The following RUVBL1 variants were observed in gnomAD, a reference collection of about 807,000 sequenced individuals.
RUVBL1 encodes ruvB-like 1.
A neutral mutation model predicts 52.4 loss-of-function variants in RUVBL1; 4 were observed. The ratio of observed to expected loss-of-function variants is 0.08; its 90% CI spans 0.04 to 0.17. The LOEUF (loss-of-function observed/expected upper bound fraction) is 0.17. Among genes scored for constraint, RUVBL1 ranks in the 10% least tolerant of loss-of-function variants. RUVBL1 has a pLI of 1.00. For synonymous variants in RUVBL1, 217 were observed against 214.4 expected (o/e 1.01, Z -0.10); for missense variants, 298 against 572.8 (o/e 0.52, Z 4.90).
chr3:128,130,785 G>C (rs911117627), intron 1 of RUVBL1, among the ~76,000 whole-genome samples: 3 of 151,648 alleles, frequency 2.0e-5, no homozygotes, highest in Non-Finnish European at 4.4e-5. Context: ...CGAGTAGCTG[G>C]GACTACATGC....
intron 1 of RUVBL1, among the ~76,000 whole-genome samples, chr3:128,148,204 T>C (rs561378311): frequency 6.6e-6 from 1 of 152,018 alleles, no homozygotes; most frequent in African/African-American, 2.4e-5. Context: ...CCAAAGCTCA[T>C]AGAGCCGTAC....
Position 128,097,330 on chromosome 3 carries a change from A to G in RUVBL1, c.986T>C (p.Phe329Ser), listed in dbSNP as rs776204985. ...LESSIAPIVI[F>S]ASNRGNCVIR... The stretch of plus-strand genomic sequence containing the variant: ...GACACAGTTGCCTCGGTTGGATGCA[A>G]AGATGACGATGGGAGCGATAGAAGA... The change falls in exon 8 of 11, where the codon TTT becomes TCT. Residue 329 changes from phenylalanine (F) to serine (S), a missense_variant. Coordinates refer to ENST00000322623, the MANE Select transcript of RUVBL1 (RefSeq NM_003707.3). The G allele has an allele frequency of 6.2e-7, 1 of 1,614,176 alleles. No homozygotes were observed. The highest frequency in any genetic ancestry group is 1.7e-5 in the Admixed American group (1 of 60,014).
At chr3:128,150,499 G>A (rs974502006) in intron 1 of RUVBL1, among the ~76,000 whole-genome samples, 1 of 144,758 alleles carries the variant, frequency 6.9e-6, no homozygotes, top group African/African-American at 2.5e-5. Context: ...ATATATATAT[G>A]TATGTTCCAT....
At chr3:128,146,811 G>C (rs1944113709) in intron 1 of RUVBL1, among the ~76,000 whole-genome samples, 1 of 151,946 alleles carries the variant, frequency 6.6e-6, no homozygotes, top group African/African-American at 2.4e-5. Context: ...CTGTGTGTGT[G>C]TGCATGCATC....
chr3:128,088,248 T>C (rs902016762), intron 8 of RUVBL1, among the ~76,000 whole-genome samples: 7 of 146,724 alleles, frequency 4.8e-5, no homozygotes, highest in Non-Finnish European at 7.5e-5. Flanking sequence ...GGTGACAGAG[T>C]GAGACTCTGT....
At chr3:128,079,634 G>T (rs973124886), downstream of RUVBL1, among the ~76,000 whole-genome samples, 4 of 152,202 alleles carry the variant, frequency 2.6e-5, no homozygotes, top group African/African-American at 4.8e-5. Flanking sequence ...ACTTCATGAA[G>T]GGTCCCACCA....
chr3:128,104,914 T>A lies in RUVBL1; in HGVS notation c.372A>T (p.Ile124=). ...CTTCATAAACTTCCTTGGTCTCCTT[T>A]ATTCGCAGCCCTGGAAGAGGTGGCA... is the stretch of plus-strand genomic sequence containing the variant. ...ENFRRAIGLR[I]KETKEVYEGE... Residue 124 remains isoleucine, a synonymous_variant, in exon 4 of 11, where the codon ATA becomes ATT. Transcript: ENST00000322623. 6.2e-7 allele frequency: 1 copy of A among 1,603,518 alleles called. No homozygotes were observed. The highest frequency in any genetic ancestry group is 8.5e-7 in the Non-Finnish European group (1 of 1,171,074).
At chr3:128,079,808 T>C (rs543018947), downstream of RUVBL1, among the ~76,000 whole-genome samples, 139 of 152,316 alleles carry the variant, frequency 9.1e-4, no homozygotes, top group African/African-American at 3.1e-3. Flanking sequence ...CTGTCCCTAA[T>C]GGAAGGACAA....
chr3:128,092,279 T>A (rs1942859955), intron 8 of RUVBL1, among the ~76,000 whole-genome samples: 1 of 152,108 alleles, frequency 6.6e-6, no homozygotes, highest in Non-Finnish European at 1.5e-5. Flanking sequence ...GCATAAACAT[T>A]TGTGATTTTA....
At chr3:128,121,694 G>C (rs940630534) in intron 1 of RUVBL1, among the ~76,000 whole-genome samples, 17 of 114,870 alleles carry the variant, frequency 1.5e-4, no homozygotes, top group Non-Finnish European at 2.5e-4. Context: ...TGGGCAACAA[G>C]AGCAAAACTT....
At chr3:128,143,105 C>T (rs1230247743) in intron 1 of RUVBL1, among the ~76,000 whole-genome samples, 2 of 151,064 alleles carry the variant, frequency 1.3e-5, no homozygotes, top group East Asian at 4.0e-4. Context: ...CTTATAAGGT[C>T]CCTTCATGAT....
rs141069437 is a variant in RUVBL1, at chr3:128,101,564, C to T, written c.598G>A (p.Val200Met). The T allele has an allele frequency of 1.1e-5, 18 of 1,613,572 alleles. No individual in the cohort carries two copies. Among genetic ancestry groups the T allele is most frequent in the Non-Finnish European group, 1.1e-5 (13 of 1,179,690 alleles). ...TGTCCCAAGGAAGGCATTACCTTCA[C>T]GGCCCCACTGTTGGCTTCAATGTAA... is the stretch of plus-strand genomic sequence containing the variant. ...VIYIEANSGA[V>M]KRQGRCDTYA... The change falls in exon 5 of 11, where the codon GTG becomes ATG. Residue 200 changes from valine (V) to methionine (M), a missense_variant. Physicochemically the swap from Val to Met is conservative, Grantham distance 21 (BLOSUM62 1). This residue lies in a region of RUVBL1 where 58 missense variants were observed against 83.2 expected (regional missense o/e 0.70). Transcript: ENST00000322623.
chr3:128,082,095 C>A lies in RUVBL1; in HGVS notation c.1211+388G>T. The A allele has an allele frequency of 1.1e-5, 2 of 176,272 alleles. No homozygotes were observed. The highest frequency in any genetic ancestry group is 1.3e-4 in the South Asian group (1 of 7,790). The allele number at this position is 176,272 out of a possible 1,614,324, so 10.9% of individuals were successfully genotyped here. A position where few individuals can be genotyped will look rare whatever the true frequency, so the allele number is the denominator to read the frequency against. On this transcript the variant is annotated intron_variant, in intron 10 of 10. Transcript: ENST00000322623. The surrounding 1 kb of genome is among the most constrained non-coding windows in gnomAD (Gnocchi z 4.7). Reference sequence around the variant, plus strand: ...TTATTTGCTTGATGGTTAAATAAATCAAAAAAGTTAAAGATTTACCAGGCC... The same window carrying A: ...TTATTTGCTTGATGGTTAAATAAATAAAAAAAGTTAAAGATTTACCAGGCC...
chr3:128,098,760 G>A lies in RUVBL1; in HGVS notation c.817+122C>T, dbSNP rs979238970. On this transcript the variant is annotated intron_variant, in intron 7 of 10. Coordinates refer to ENST00000322623, the MANE Select transcript of RUVBL1 (RefSeq NM_003707.3). Reference sequence around the variant, plus strand: ...CTAGAGTCAAGCTCTAAGCTATGAGGAAGAAAGAACTGTTCTGAGGCATTT... The same window carrying A: ...CTAGAGTCAAGCTCTAAGCTATGAGAAAGAAAGAACTGTTCTGAGGCATTT... 1.2e-5 allele frequency: 10 copies of A among 819,540 alleles called. No homozygotes were observed. The African/African-American group carries it at 1.5e-4, about 12-fold the overall frequency. The allele number at this position is 819,540 out of a possible 1,614,324, so 50.8% of individuals were successfully genotyped here. A position where few individuals can be genotyped will look rare whatever the true frequency, so the allele number is the denominator to read the frequency against.
At chr3:128,088,696 G>A (rs966913602) in intron 8 of RUVBL1, among the ~76,000 whole-genome samples, 1 of 151,738 alleles carries the variant, frequency 6.6e-6, no homozygotes, top group South Asian at 2.1e-4. Flanking sequence ...CTGGACTCCT[G>A]GGCTCAAGGG....
At chr3:128,137,135 A>G (rs1943959822) in intron 1 of RUVBL1, among the ~76,000 whole-genome samples, 1 of 152,210 alleles carries the variant, frequency 6.6e-6, no homozygotes, top group South Asian at 2.1e-4. Context: ...TAAATAACTT[A>G]CTGGTGCATC....
intron 1 of RUVBL1, among the ~76,000 whole-genome samples, chr3:128,151,539 C>T (rs546339906): frequency 7.2e-5 from 11 of 151,892 alleles, no homozygotes; most frequent in Admixed American, 1.3e-4. Context: ...CTTTTAAATA[C>T]GTTTACTGCT....
intron 7 of RUVBL1, among the ~76,000 whole-genome samples, chr3:128,098,635 C>G (rs6787614): frequency 6.6e-6 from 1 of 152,144 alleles, no homozygotes; most frequent in African/African-American, 2.4e-5. Flanking sequence ...ACACAAATCC[C>G]TATTTCTGGG....
exon 1 of RUVBL1, chr3:128,153,460 G>C: frequency 6.9e-7 from 1 of 1,449,120 alleles, no homozygotes; most frequent in South Asian, 1.4e-5. Flanking sequence ...CGACTACCGA[G>C]GGAGGTGAGG....
Sources: gnomAD v4.1 joint callset for allele counts (sites outside exome capture counted in the v4.1 genomes callset) on GRCh38, gnomAD v4.1.1 for gene constraint, gnomAD v4.1.1 regional missense constraint, Gnocchi (gnomAD v3.1) non-coding constraint, MANE v1.5 for transcripts, NCBI Gene and HGNC (gene_info 2026-07-23, HGNC 2026-07-21) for gene names.